LMF1: variants seen among roughly 807,000 people sequenced by gnomAD.
The protein encoded by LMF1 is lipase maturation factor 1, also known as transmembrane protein 112.
LMF1 carries 68 observed loss-of-function variants against 60.6 expected under a neutral mutation model. The observed-to-expected ratio is 1.12, with a 90% CI of 0.92 to 1.37. The LOEUF (loss-of-function observed/expected upper bound fraction) is 1.37. Among genes scored for constraint, LMF1 ranks in the 40% most tolerant of loss-of-function variants. The probability of loss-of-function intolerance (pLI) is 0.00; values close to 1 mark genes in which losing one functional copy is unlikely to be tolerated. For missense variants in LMF1, 948 were observed against 767.2 expected, an observed-to-expected ratio of 1.24 and a Z score of -2.78; for synonymous variants, 418 against 324.7, an observed-to-expected ratio of 1.29 and a Z score of -3.09.
At chr16:854,788 A>G in intron 10 of LMF1, 82 bp from the exon 11 acceptor site, 1 of 1,273,082 alleles carries the variant, frequency 7.9e-7, no homozygotes, top group African/African-American at 1.5e-5. Flanking sequence ...GCTGAGCTGC[A>G]GCTGCTCACA....
At chr16:945,642 T>C (rs762792113) in intron 2 of LMF1, among the ~76,000 whole-genome samples, 8 of 152,184 alleles carry the variant, frequency 5.3e-5, no homozygotes, top group Non-Finnish European at 1.2e-4. Flanking sequence ...AGGGTCACAA[T>C]CTATTTGGAT....
chr16:979,400 C>T (rs2073273136), intron 1 of LMF1: 2 of 353,286 alleles, frequency 5.7e-6, no homozygotes, highest in Non-Finnish European at 5.6e-6. Context: ...ACAGAGACTC[C>T]CCACCTCCCC....
At chr16:972,016 G>A (rs1204455931), upstream of LMF1, among the ~76,000 whole-genome samples, 1 of 152,066 alleles carries the variant, frequency 6.6e-6, no homozygotes, top group Non-Finnish European at 1.5e-5. Flanking sequence ...ATCGCCACTG[G>A]GTTGGTCAAA....
chr16:904,361 C>T (rs1181972012), intron 4 of LMF1, among the ~76,000 whole-genome samples: 1 of 105,488 alleles, frequency 9.5e-6, no homozygotes. Flanking sequence ...GCCCACAGGA[C>T]GCCTGTCTCT....
chr16:976,157 C>T (rs2073135948), intron 1 of LMF1: 1 of 453,494 alleles, frequency 2.2e-6, no homozygotes, highest in Non-Finnish European at 4.4e-6. Context: ...TGTGTCCCTT[C>T]TCAGAGGACC....
rs1033600786 is a variant in LMF1, at chr16:867,509, T to C, written c.1529+1435A>G. ...GGGGCAGTAACAGAGAAGACCCGTATTGAGCCTCGAAGGACGAGCTCTGGG... is the reference window on the plus strand; with the variant it reads ...GGGGCAGTAACAGAGAAGACCCGTACTGAGCCTCGAAGGACGAGCTCTGGG... On this transcript the variant is annotated intron_variant, in intron 10 of 10. Coordinates refer to ENST00000262301, the MANE Select transcript of LMF1 (RefSeq NM_022773.4). Among the ~76,000 whole-genome samples, 3 of 152,302 alleles carry C rather than the reference T, an allele frequency of 2.0e-5. No homozygotes were observed. In the East Asian group the frequency reaches 5.8e-4, roughly 29 times the overall value.
chr16:966,438 C>G (rs1295698061), intron 1 of LMF1, among the ~76,000 whole-genome samples: 2 of 152,242 alleles, frequency 1.3e-5, no homozygotes, highest in Admixed American at 1.3e-4. Flanking sequence ...TCAGGAGTGT[C>G]TCTGCGCCGA....
intron 1 of LMF1, among the ~76,000 whole-genome samples, chr16:960,134 G>A (rs979242682): frequency 2.6e-4 from 39 of 152,324 alleles, no homozygotes; most frequent in African/African-American, 8.4e-4. Context: ...AAGAACCAGG[G>A]CTCCTTGGAA....
In LMF1 at chr16:865,291, G is replaced by A. The variant is rs181108771; in HGVS notation, c.1529+3653C>T. Reference sequence around the variant, plus strand: ...TACTTCAGACAGTTTTATAGCCTTTGCTTAACCATCCAACATGATTGGAAC... The same window carrying A: ...TACTTCAGACAGTTTTATAGCCTTTACTTAACCATCCAACATGATTGGAAC... On this transcript the variant is annotated intron_variant, in intron 10 of 10. Coordinates refer to ENST00000262301, the MANE Select transcript of LMF1 (RefSeq NM_022773.4). Among the ~76,000 whole-genome samples, 94 of 152,262 alleles carry A rather than the reference G, an allele frequency of 6.2e-4. 2 individuals carry two copies. The highest frequency in any genetic ancestry group is 2.1e-3 in the African/African-American group (88 of 41,544).
upstream of LMF1, chr16:975,837 G>T (rs1475489196): frequency 2.2e-6 from 1 of 454,156 alleles, no homozygotes; most frequent in African/African-American, 2.0e-5. Context: ...GGCCGGGGAG[G>T]TCAGGGCCTG....
upstream of LMF1, among the ~76,000 whole-genome samples, chr16:975,302 T>C (rs2073114027): frequency 6.6e-6 from 1 of 152,170 alleles, no homozygotes; most frequent in Admixed American, 6.5e-5. Context: ...CAGGGCCCTA[T>C]GTTAGGAAAC....
At position 855,041 on chromosome 16, in the gene LMF1, C is replaced by T. The variant is rs144036534; in HGVS notation, c.1530-335G>A. ...GGGTGGCACTGAGCAAGCCTGAGAC[C>T]GTTCACAAGGCCCCAGTTTGAGCCC... On this transcript the variant is annotated intron_variant, in intron 10 of 10. Coordinates refer to ENST00000262301, the MANE Select transcript of LMF1 (RefSeq NM_022773.4). 3.4e-3 allele frequency: 1,385 copies of T among 411,732 alleles called. 18 individuals are homozygous for T. Among genetic ancestry groups the T allele is most frequent in the African/African-American group, 0.024 (1,169 of 49,546 alleles). 25.5% of individuals were successfully genotyped at this position (411,732 alleles called of 1,614,324 possible).
chr16:880,620 C>T (rs567682102), intron 5 of LMF1, among the ~76,000 whole-genome samples: 8 of 152,360 alleles, frequency 5.3e-5, no homozygotes, highest in East Asian at 1.9e-4. Flanking sequence ...CAGTGAGCCA[C>T]GACTGTGCCA....
intron 10 of LMF1, chr16:855,878 C>CCATG (rs1439753193): frequency 4.4e-6 from 2 of 455,936 alleles, no homozygotes; most frequent in Non-Finnish European, 8.8e-6. Flanking sequence ...AGACCTTGGG[C>CCATG]CATGCCCCTT....
At chr16:879,458 G>A in intron 6 of LMF1, 112 bp downstream of exon 6, 1 of 1,278,760 alleles carries the variant, frequency 7.8e-7, no homozygotes, top group East Asian at 2.5e-5. Context: ...CTGTCCCCAA[G>A]AAAGGGGGCC....
chr16:981,303 TGAGAGAGAGAGAGAGAGAGA>T (rs751174711), upstream of LMF1: 50 of 214,538 alleles, frequency 2.3e-4, no homozygotes, highest in Non-Finnish European at 3.2e-4. Context: ...TGTGTGTGTG[TGAGAGAGAGAGAGAGAGAGA>T]GAGAGAGAGA....
intron 2 of LMF1, among the ~76,000 whole-genome samples, chr16:939,736 C>A (rs1032937136): frequency 5.3e-5 from 8 of 152,228 alleles, no homozygotes; most frequent in African/African-American, 1.9e-4. Flanking sequence ...AGTAAAAAAA[C>A]TTTGGTTATT....
chr16:963,536 CATGT>C (rs1471257996), intron 1 of LMF1, among the ~76,000 whole-genome samples: 6 of 152,166 alleles, frequency 3.9e-5, no homozygotes, highest in African/African-American at 1.2e-4. Flanking sequence ...TGCAGGGATG[CATGT>C]GTGTATGTCC....
intron 10 of LMF1, among the ~76,000 whole-genome samples, chr16:860,590 C>T (rs1467561918): frequency 2.6e-5 from 4 of 152,132 alleles, no homozygotes; most frequent in Non-Finnish European, 5.9e-5. Context: ...ATCTGCCCAC[C>T]TTGGCCTCCC....
Sources: allele counts gnomAD v4.1 joint callset (sites outside exome capture counted in the v4.1 genomes callset), GRCh38; gene constraint gnomAD v4.1.1; transcripts MANE v1.5; gene names NCBI Gene and HGNC (gene_info 2026-07-23, HGNC 2026-07-21).